The following DGKB variants were observed in gnomAD, a reference collection of about 807,000 sequenced individuals.
The protein encoded by DGKB is diacylglycerol kinase beta, also known as 90 kDa diacylglycerol kinase.
A neutral mutation model predicts 114.3 loss-of-function variants in DGKB; 67 were observed. That is an observed-to-expected ratio of 0.59 (90% CI 0.48 to 0.72). The LOEUF (loss-of-function observed/expected upper bound fraction) is 0.72, where lower values mean the gene tolerates loss of function less well. Among genes scored for constraint, DGKB ranks in the 30% least tolerant of loss-of-function variants. The probability of loss-of-function intolerance (pLI) is 0.00; values close to 1 mark genes in which losing one functional copy is unlikely to be tolerated. For missense variants in DGKB, 907 were observed against 975.2 expected (o/e 0.93, Z 0.93); for synonymous variants, 398 against 323.1 (o/e 1.23, Z -2.49).
chr7:14,285,769 G>C (rs1268966928), intron 23 of DGKB, among the ~76,000 whole-genome samples: 1 of 152,078 alleles, frequency 6.6e-6, no homozygotes, highest in Non-Finnish European at 1.5e-5. Flanking sequence ...ATGATTTAGA[G>C]AAACAAAGAA....
chr7:14,211,417 T>C (rs1317138001), intron 23 of DGKB, among the ~76,000 whole-genome samples: 1 of 79,558 alleles, frequency 1.3e-5, no homozygotes, highest in Admixed American at 1.4e-4. Context: ...TACTCTCATG[T>C]TTTGTGATTT....
chr7:14,331,064 T>A (rs1022364781), intron 23 of DGKB, among the ~76,000 whole-genome samples: 1 of 152,002 alleles, frequency 6.6e-6, no homozygotes, highest in Non-Finnish European at 1.5e-5. Context: ...TAACAGCAAT[T>A]TTGATATTTA....
chr7:14,801,039 C>G (rs1184692375), intron 2 of DGKB, among the ~76,000 whole-genome samples: 1 of 152,166 alleles, frequency 6.6e-6, no homozygotes, highest in Non-Finnish European at 1.5e-5. Context: ...CTGTAATGGT[C>G]ATAAGTGTTT....
rs369816927 is a variant in DGKB at position 14,553,929 on chromosome 7, G to T, written c.1770+20283C>A. Among the ~76,000 whole-genome samples the T allele has an allele frequency of 2.6e-3, 348 of 133,964 alleles. 5 individuals are homozygous for T. Among genetic ancestry groups the T allele is most frequent in the African/African-American group, 9.5e-3 (334 of 35,132 alleles). The allele number at this position is 133,964 out of a possible 152,430, so 87.9% of individuals were successfully genotyped here. On this transcript the variant is annotated intron_variant, in intron 20 of 25. Transcript: ENST00000402815. ...GCTCTGTCGCCCAGGCTGGAGTGCA[G>T]TGGCGGGATCTCGGCTCACTGCAAG... is the stretch of plus-strand genomic sequence containing the variant.
intron 1 of DGKB, among the ~76,000 whole-genome samples, chr7:14,973,624 G>C (rs1202712857): frequency 2.0e-5 from 3 of 147,658 alleles, no homozygotes; most frequent in South Asian, 2.1e-4. Flanking sequence ...TTTTCTTTGG[G>C]TGTCTCTAGC....
intron 23 of DGKB, among the ~76,000 whole-genome samples, chr7:14,220,048 T>A (rs372794172): frequency 6.6e-6 from 1 of 151,672 alleles, no homozygotes; most frequent in Non-Finnish European, 1.5e-5. Flanking sequence ...TACACAAATA[T>A]AGATGATATA....
intron 23 of DGKB, among the ~76,000 whole-genome samples, chr7:14,179,321 A>G (rs577281846): frequency 6.6e-6 from 1 of 152,346 alleles, no homozygotes; most frequent in South Asian, 2.1e-4. Context: ...GCCAAAGTCT[A>G]GGTGCATATA....
intron 2 of DGKB, among the ~76,000 whole-genome samples, chr7:14,811,750 T>G (rs1843464265): frequency 6.6e-6 from 1 of 152,046 alleles, no homozygotes; most frequent in African/African-American, 2.4e-5. Context: ...CTATCCCTTA[T>G]TTTGAGGTAA....
intron 21 of DGKB, among the ~76,000 whole-genome samples, chr7:14,441,182 G>T (rs936360972): frequency 8.6e-5 from 13 of 152,002 alleles, no homozygotes; most frequent in African/African-American, 3.1e-4. Flanking sequence ...CTAATTTTTT[G>T]TATTTTTAGT....
intron 23 of DGKB, among the ~76,000 whole-genome samples, chr7:14,261,182 T>C (rs910456829): frequency 3.6e-4 from 54 of 152,008 alleles, no homozygotes; most frequent in Non-Finnish European, 6.0e-4. Flanking sequence ...TTCAACATGT[T>C]GGGTTGCCCA....
At chr7:14,199,391 G>A (rs1327166330) in intron 23 of DGKB, among the ~76,000 whole-genome samples, 3 of 151,964 alleles carry the variant, frequency 2.0e-5, no homozygotes, top group African/African-American at 7.2e-5. Flanking sequence ...ATCTAAGAAA[G>A]CATTTGGATC....
chr7:14,870,456 C>G (rs903169741), intron 1 of DGKB, among the ~76,000 whole-genome samples: 11 of 152,140 alleles, frequency 7.2e-5, no homozygotes, highest in Non-Finnish European at 1.2e-4. Flanking sequence ...GAAATCCTGA[C>G]AAAGACTTAA....
intron 23 of DGKB, among the ~76,000 whole-genome samples, chr7:14,185,315 C>T (rs1045677334): frequency 1.3e-5 from 2 of 151,538 alleles, no homozygotes; most frequent in Non-Finnish European, 2.9e-5. Context: ...ACCAAGGAGT[C>T]GAAAGACCTC....
intron 15 of DGKB, among the ~76,000 whole-genome samples, chr7:14,619,486 G>A (rs1044253598): frequency 1.3e-5 from 2 of 151,444 alleles, no homozygotes; most frequent in Non-Finnish European, 3.0e-5. Flanking sequence ...GGCAAATTGA[G>A]GTATGATTAT....
At chr7:14,877,742 T>A (rs1305124810) in intron 1 of DGKB, among the ~76,000 whole-genome samples, 1 of 152,212 alleles carries the variant, frequency 6.6e-6, no homozygotes, top group Non-Finnish European at 1.5e-5. Context: ...ATTTACCAAG[T>A]TGACTTCAAA....
intron 21 of DGKB, among the ~76,000 whole-genome samples, chr7:14,373,525 T>A (rs537266866): frequency 6.6e-6 from 1 of 152,184 alleles, no homozygotes; most frequent in Non-Finnish European, 1.5e-5. Flanking sequence ...AAAATGCTAG[T>A]CTCATCAAAG....
intron 23 of DGKB, among the ~76,000 whole-genome samples, chr7:14,300,098 G>A (rs912937029): frequency 6.6e-6 from 1 of 151,914 alleles, no homozygotes; most frequent in Non-Finnish European, 1.5e-5. Flanking sequence ...CCAAAAAATA[G>A]TATAAAATAC....
At position 14,766,133 on chromosome 7, in the gene DGKB, T is replaced by C. The variant is rs375687952; in HGVS notation, c.71-8402A>G. 9.2e-5 allele frequency among the ~76,000 whole-genome samples: 14 copies of C among 152,122 alleles called. No individual in the cohort carries two copies. In the South Asian group the frequency reaches 1.7e-3, roughly 18 times the overall value. ...TAAAAAGCCTGCAGCTATGACTTCT[T>C]AATCATTCTTTCAAATATTCTCAAG... On this transcript the variant is annotated intron_variant, in intron 2 of 25. Transcript: ENST00000402815.
intron 23 of DGKB, among the ~76,000 whole-genome samples, chr7:14,216,907 TTTTG>T: frequency 6.6e-6 from 1 of 152,208 alleles, no homozygotes; most frequent in African/African-American, 2.4e-5. Context: ...ATGAATGATT[TTTTG>T]TTTCTTTCCA....
Sources: allele counts gnomAD v4.1 joint callset (sites outside exome capture counted in the v4.1 genomes callset), GRCh38; gene constraint gnomAD v4.1.1; transcripts MANE v1.5; gene names NCBI Gene and HGNC (gene_info 2026-07-23, HGNC 2026-07-21).